Variants in SNX14 observed in about 807,000 individuals in gnomAD.
The protein encoded by SNX14 is sorting nexin-14.
In SNX14, 93 loss-of-function variants were observed where a neutral mutation model predicts 133.8. The observed-to-expected ratio is 0.70, with a 90% CI of 0.59 to 0.83. SNX14 has a LOEUF of 0.83. SNX14 is among the 40% of genes least tolerant of loss of function. SNX14 has a pLI of 0.00. For synonymous variants in SNX14, 368 were observed against 365.6 expected (o/e 1.01, Z -0.07); for missense variants, 945 against 1,094.9 (o/e 0.86, Z 1.93).
At chr6:85,592,825 T>TA (rs11427677) in intron 1 of SNX14, among the ~76,000 whole-genome samples, 26,253 of 130,518 alleles carry the variant, frequency 0.2, 3,761 homozygotes, top group African/African-American at 0.41. Context: ...CCGTCTCTAC[T>TA]AAAAAAAAAA....
intron 12 of SNX14, among the ~76,000 whole-genome samples, chr6:85,546,152 AG>A (rs1357325899): frequency 6.6e-6 from 1 of 152,226 alleles, no homozygotes; most frequent in Non-Finnish European, 1.5e-5. Flanking sequence ...TTGCTTTGGC[AG>A]GAGTAGGGGA....
In SNX14 at chr6:85,539,048, G is replaced by A. The variant is rs182774200; in HGVS notation, c.1449-184C>T. ...ATAAGGTGATAAAGGTAAGATAAAC[G>A]CACATAGCTGTCTTTTGTGTTTGGA... On this transcript the variant is annotated intron_variant, in intron 15 of 28. Coordinates refer to ENST00000314673, the MANE Select transcript of SNX14 (RefSeq NM_153816.6). Among the ~76,000 whole-genome samples the A allele has an allele frequency of 5.3e-5, 8 of 152,228 alleles. No homozygotes were observed. The East Asian group carries it at 5.8e-4, about 11-fold the overall frequency.
chr6:85,544,786 T>C (rs938654842), intron 12 of SNX14, among the ~76,000 whole-genome samples: 2 of 152,274 alleles, frequency 1.3e-5, no homozygotes, highest in South Asian at 4.2e-4. Context: ...CTAAGAAAAT[T>C]TATCTCCAGC....
intron 6 of SNX14, among the ~76,000 whole-genome samples, chr6:85,560,642 A>G (rs1791236372): frequency 6.6e-6 from 1 of 152,228 alleles, no homozygotes; most frequent in African/African-American, 2.4e-5. Context: ...TATGTAAATT[A>G]TATCTCAATA....
At chr6:85,521,266 C>A (rs1028383653) in intron 21 of SNX14, among the ~76,000 whole-genome samples, 6 of 152,142 alleles carry the variant, frequency 3.9e-5, no homozygotes, top group African/African-American at 1.4e-4. Context: ...AAGGGTCTCA[C>A]TCTGTCACTC....
At chr6:85,547,581 T>A in intron 9 of SNX14, 31 bp from the exon 10 acceptor site, 1 of 1,509,334 alleles carries the variant, frequency 6.6e-7, no homozygotes, top group South Asian at 1.2e-5. Context: ...TAAGTCAAAA[T>A]AATTCCACTA....
chr6:85,565,498 C>T, intron 5 of SNX14, 79 bp from the exon 6 acceptor site: 1 of 1,106,428 alleles, frequency 9.0e-7, no homozygotes, highest in Non-Finnish European at 1.3e-6. Flanking sequence ...GGAAAATTTT[C>T]CTTTTTTCTG....
Position 85,593,643 on chromosome 6 carries a change from G to C in SNX14, c.76C>G (p.Arg26Gly), listed in dbSNP as rs138148199. ...AGGAAGCAGAACAGCGGGTACTGGCGGCAGATCTCGCGTCCCACGTCCAGT... is the reference window on the plus strand; with the variant it reads ...AGGAAGCAGAACAGCGGGTACTGGCCGCAGATCTCGCGTCCCACGTCCAGT... ...LRLDVGREIC[R>G]QYPLFCFLLL... The change falls in exon 1 of 29, where the codon CGC (arginine) becomes GGC (glycine). Residue 26 changes from arginine (R) to glycine (G), a missense_variant. Arg to Gly is a moderately radical substitution (Grantham distance 125). This residue lies in a region of SNX14 where 514 missense variants were observed against 538.8 expected (regional missense o/e 0.95). Coordinates refer to ENST00000314673, the MANE Select transcript of SNX14 (RefSeq NM_153816.6). The C allele has an allele frequency of 1.2e-6, 2 of 1,612,840 alleles. No homozygotes were observed. The highest frequency in any genetic ancestry group is 1.3e-5 in the African/African-American group (1 of 75,050).
chr6:85,545,453 C>A (rs1032307421), intron 12 of SNX14, among the ~76,000 whole-genome samples: 2 of 151,826 alleles, frequency 1.3e-5, no homozygotes, highest in Non-Finnish European at 2.9e-5. Context: ...AAAAGATATA[C>A]AAATGAACAC....
chr6:85,557,375 G>A (rs541180805), intron 7 of SNX14, among the ~76,000 whole-genome samples: 15 of 152,298 alleles, frequency 9.8e-5, no homozygotes, highest in Middle Eastern at 3.4e-3. Flanking sequence ...TGGTAAGAAG[G>A]AAAGGAGGAA....
rs147269472 is a variant in SNX14 at position 85,593,694 on chromosome 6, C to A, written c.25G>T (p.Gly9Trp). 3 of 1,613,644 alleles carry A rather than the reference C, an allele frequency of 1.9e-6. No individual in the cohort carries two copies. The highest frequency in any genetic ancestry group is 2.5e-6 in the Non-Finnish European group (3 of 1,179,922). Reference protein sequence around the residue: MVPWVRTMGQKLKQRLRLD... With the variant: MVPWVRTMWQKLKQRLRLD... ...CGCAGCCGCTGCTTCAGCTTCTGCC[C>A]CATCGTCCGCACCCAGGGCACCATC... The change falls in exon 1 of 29, where the codon GGG becomes TGG. Residue 9 changes from glycine (G) to tryptophan (W), a missense_variant. By Grantham distance (184) the Gly-to-Trp change is radical. Around this residue, in one of 3 missense-constraint regions of SNX14, gnomAD observed 514 missense variants for 538.8 expected, o/e 0.95. Transcript: ENST00000314673.
At chr6:85,590,940 A>C (rs1404846736) in intron 1 of SNX14, among the ~76,000 whole-genome samples, 1 of 152,176 alleles carries the variant, frequency 6.6e-6, no homozygotes, top group Non-Finnish European at 1.5e-5. Context: ...ACCTCAATCC[A>C]TAGTACATAC....
intron 6 of SNX14, among the ~76,000 whole-genome samples, chr6:85,559,339 T>C (rs920551157): frequency 3.3e-5 from 5 of 152,256 alleles, no homozygotes; most frequent in African/African-American, 7.2e-5. Context: ...CAAGATGTTA[T>C]AGTTTTCAAA....
chr6:85,552,032 C>CTTTTT (rs71551482), intron 7 of SNX14, among the ~76,000 whole-genome samples: 4 of 114,144 alleles, frequency 3.5e-5, no homozygotes, highest in African/African-American at 7.1e-5. Flanking sequence ...TGTTGGGAAT[C>CTTTTT]TTTTTTTTTT....
Position 85,528,344 on chromosome 6 carries a change from T to C in SNX14, c.1913A>G (p.Gln638Arg). The change falls in exon 20 of 29, where the codon CAG (glutamine) becomes CGG (arginine). Residue 638 changes from glutamine (Q) to arginine (R), a missense_variant. Gln to Arg is a conservative substitution (Grantham distance 43, BLOSUM62 1). Coordinates refer to ENST00000314673, the MANE Select transcript of SNX14 (RefSeq NM_153816.6). ...GCCAATGATCCTCTTAGAAGGAAGC[T>C]GGGCATCAGGAAATGCACCTGAAAT... ...TEFHGAFPDA[Q>R]LPSKRIIGPK... 1 of 1,613,096 alleles carries C rather than the reference T, an allele frequency of 6.2e-7. No homozygotes were observed. The highest frequency in any genetic ancestry group is 1.7e-5 in the Admixed American group (1 of 59,966).
chr6:85,575,746 T>A (rs758801050), intron 1 of SNX14, among the ~76,000 whole-genome samples: 1 of 152,206 alleles, frequency 6.6e-6, no homozygotes. Context: ...AGAGTGGTTA[T>A]GGCACAAGGA....
intron 1 of SNX14, among the ~76,000 whole-genome samples, chr6:85,582,233 T>C (rs1799264468): frequency 6.6e-6 from 1 of 151,978 alleles, no homozygotes; most frequent in African/African-American, 2.4e-5. Flanking sequence ...GGAAAAAAAC[T>C]TTCACCCTAG....
At chr6:85,575,028 T>G (rs184667056) in intron 1 of SNX14, among the ~76,000 whole-genome samples, 1 of 152,110 alleles carries the variant, frequency 6.6e-6, no homozygotes, top group African/African-American at 2.4e-5. Context: ...GAGGATAGGA[T>G]AGAGGTATGG....
At chr6:85,511,712 A>G (rs1011019473) in intron 26 of SNX14, among the ~76,000 whole-genome samples, 4 of 152,198 alleles carry the variant, frequency 2.6e-5, no homozygotes, top group African/African-American at 9.7e-5. Flanking sequence ...TTGACTTTTG[A>G]ATGAATGCTG....
Sources: gnomAD v4.1 joint callset for allele counts (sites outside exome capture counted in the v4.1 genomes callset) on GRCh38, gnomAD v4.1.1 for gene constraint, gnomAD v4.1.1 regional missense constraint, MANE v1.5 for transcripts, NCBI Gene and HGNC (gene_info 2026-07-23, HGNC 2026-07-21) for gene names.